SETD3: variants seen among roughly 807,000 people sequenced by gnomAD.
SETD3 encodes actin-histidine N-methyltransferase.
SETD3 carries 19 observed loss-of-function variants against 63.0 expected under a neutral mutation model. The observed-to-expected ratio is 0.30, with a 90% CI of 0.21 to 0.44. SETD3 has a LOEUF of 0.44. Among genes scored for constraint, SETD3 ranks in the 20% least tolerant of loss-of-function variants. The pLI is 1.00. For synonymous variants in SETD3, 286 were observed against 264.1 expected, an observed-to-expected ratio of 1.08 and a Z score of -0.80; for missense variants, 587 against 728.5, an observed-to-expected ratio of 0.81 and a Z score of 2.24.
Position 99,403,453 on chromosome 14 carries a change from A to ACTCTCTCTCTCT in SETD3, c.1177+771_1177+772insAGAGAGAGAGAG, listed in dbSNP as rs1188702914. Among the ~76,000 whole-genome samples, 253 of 106,126 alleles carry ACTCTCTCTCTCT rather than the reference A, an allele frequency of 2.4e-3. 2 individuals are homozygous for ACTCTCTCTCTCT. The highest frequency in any genetic ancestry group is 8.1e-3 in the African/African-American group (218 of 26,900). 69.6% of individuals were successfully genotyped at this position (106,126 alleles called of 152,430 possible). On this transcript the variant is annotated intron_variant, in intron 11 of 12. Coordinates refer to ENST00000331768, the MANE Select transcript of SETD3 (RefSeq NM_032233.3). ...CATACACACACACACACACACACACACACTCTCTCTCTCTCTCTCTCTCTC... is the reference window on the plus strand; with the variant it reads ...CATACACACACACACACACACACACACTCTCTCTCTCTCACTCTCTCTCTCTCTCTCTCTCTC...
At chr14:99,473,947 C>A (rs1566737733) in intron 1 of SETD3, among the ~76,000 whole-genome samples, 1 of 152,186 alleles carries the variant, frequency 6.6e-6, no homozygotes, top group Non-Finnish European at 1.5e-5. Flanking sequence ...AGTAGCAGGG[C>A]CTAGTAGCAG....
intron 6 of SETD3, among the ~76,000 whole-genome samples, chr14:99,422,017 G>A (rs8010061): frequency 2.8e-3 from 421 of 152,214 alleles, no homozygotes; most frequent in African/African-American, 9.7e-3. Flanking sequence ...AAGTTTAAAG[G>A]CAGGCAACAT....
chr14:99,435,516 T>A (rs1893429402), intron 6 of SETD3, among the ~76,000 whole-genome samples: 1 of 152,196 alleles, frequency 6.6e-6, no homozygotes, highest in African/African-American at 2.4e-5. Context: ...TGTAAACAGT[T>A]ACTCAATAGT....
intron 11 of SETD3, among the ~76,000 whole-genome samples, chr14:99,402,178 T>C (rs1891422812): frequency 6.6e-6 from 1 of 152,204 alleles, no homozygotes; most frequent in African/African-American, 2.4e-5. Flanking sequence ...CCCCTCCTGC[T>C]CTACCTTGTC....
chr14:99,431,363 G>A (rs992606096), intron 6 of SETD3, among the ~76,000 whole-genome samples: 1 of 152,212 alleles, frequency 6.6e-6, no homozygotes, highest in Non-Finnish European at 1.5e-5. Flanking sequence ...TACAGGCAGA[G>A]CTGTGACTCA....
chr14:99,419,635 C>A (rs911774382), intron 6 of SETD3, among the ~76,000 whole-genome samples: 1 of 151,464 alleles, frequency 6.6e-6, no homozygotes, highest in African/African-American at 2.4e-5. Context: ...ATTAGCCGGG[C>A]GTAGTGGCGG....
chr14:99,450,938 C>A (rs1894424013), intron 6 of SETD3, among the ~76,000 whole-genome samples: 1 of 152,198 alleles, frequency 6.6e-6, no homozygotes. Context: ...AATCTTCAGA[C>A]AAGCTGGTGC....
intron 6 of SETD3, among the ~76,000 whole-genome samples, chr14:99,425,681 A>C (rs1892842407): frequency 6.6e-6 from 1 of 152,228 alleles, no homozygotes; most frequent in South Asian, 2.1e-4. Flanking sequence ...AGAAAATAGC[A>C]ATCCAGCTAC....
intron 6 of SETD3, among the ~76,000 whole-genome samples, chr14:99,451,085 T>C (rs531418698): frequency 4.6e-5 from 7 of 152,292 alleles, no homozygotes; most frequent in Non-Finnish European, 8.8e-5. Flanking sequence ...TTAAGGTAAG[T>C]AAAATCTGAT....
intron 6 of SETD3, among the ~76,000 whole-genome samples, chr14:99,424,628 C>G (rs1892778320): frequency 6.6e-6 from 1 of 152,138 alleles, no homozygotes; most frequent in Admixed American, 6.5e-5. Context: ...GACCTGAGTT[C>G]CTGACCAGGC....
chr14:99,476,212 C>T (rs1026067819), intron 1 of SETD3, among the ~76,000 whole-genome samples: 1 of 152,212 alleles, frequency 6.6e-6, no homozygotes, highest in Admixed American at 6.5e-5. Flanking sequence ...GTCAGAGCCT[C>T]ACCAGCACAC....
At position 99,452,828 on chromosome 14, in the gene SETD3, C is replaced by T. The variant is rs373267624; in HGVS notation, c.675+5451G>A. Among the ~76,000 whole-genome samples, 10 of 152,254 alleles carry T rather than the reference C, an allele frequency of 6.6e-5. No individual in the cohort carries two copies. The East Asian group carries it at 1.4e-3, about 21-fold the overall frequency. On this transcript the variant is annotated intron_variant, in intron 6 of 12. Coordinates refer to ENST00000331768, the MANE Select transcript of SETD3 (RefSeq NM_032233.3). ...CTGCAAGCCATGGCCTGTAGACCTC[C>T]GAGCCAGCAGGCAGATCGCGGGGGG... is the stretch of plus-strand genomic sequence containing the variant.
intron 6 of SETD3, among the ~76,000 whole-genome samples, chr14:99,449,372 G>A (rs901262648): frequency 2.6e-5 from 4 of 152,196 alleles, no homozygotes; most frequent in Non-Finnish European, 5.9e-5. Flanking sequence ...TTAATTATAA[G>A]AGAAAAACAG....
chr14:99,464,580 A>T (rs1895262523), intron 2 of SETD3, among the ~76,000 whole-genome samples: 1 of 152,184 alleles, frequency 6.6e-6, no homozygotes, highest in South Asian at 2.1e-4. Flanking sequence ...GCAGCACTCG[A>T]GAGGGACCTG....
chr14:99,458,651 G>A, intron 5 of SETD3, 116 bp from the exon 6 acceptor site: 1 of 1,326,328 alleles, frequency 7.5e-7, no homozygotes, highest in Non-Finnish European at 1.0e-6. Flanking sequence ...TTAAAGTCAG[G>A]TACAGGCTGG....
At chr14:99,402,908 T>G (rs1470274529) in intron 11 of SETD3, among the ~76,000 whole-genome samples, 1 of 152,190 alleles carries the variant, frequency 6.6e-6, no homozygotes, top group East Asian at 1.9e-4. Flanking sequence ...CTCTCTTAAT[T>G]ATAAATGCCT....
intron 6 of SETD3, among the ~76,000 whole-genome samples, chr14:99,421,574 T>C (rs1476270439): frequency 2.0e-5 from 3 of 152,124 alleles, no homozygotes; most frequent in African/African-American, 7.2e-5. Flanking sequence ...GCTTGGTATA[T>C]AAGAAAGCTC....
chr14:99,463,415 G>A (rs767688162), intron 3 of SETD3, 71 bp downstream of exon 3: 147 of 1,201,960 alleles, frequency 1.2e-4, no homozygotes, highest in Non-Finnish European at 1.5e-4. Flanking sequence ...TTTACTACTC[G>A]TCAACCCTTT....
chr14:99,469,769 G>T (rs544047266), intron 1 of SETD3, among the ~76,000 whole-genome samples: 8 of 152,066 alleles, frequency 5.3e-5, no homozygotes, highest in Non-Finnish European at 1.0e-4. Flanking sequence ...CCTACAAACC[G>T]CATAGTGCAC....
Sources: allele counts gnomAD v4.1 joint callset (sites outside exome capture counted in the v4.1 genomes callset), GRCh38; gene constraint gnomAD v4.1.1; transcripts MANE v1.5; gene names NCBI Gene and HGNC (gene_info 2026-07-23, HGNC 2026-07-21).